Variants in XPNPEP3 observed in about 807,000 individuals in gnomAD.
XPNPEP3 encodes the protein X-prolyl aminopeptidase 3.
A neutral mutation model predicts 60.0 loss-of-function variants in XPNPEP3; 41 were observed. The observed-to-expected ratio is 0.68, with a 90% CI of 0.53 to 0.89. The LOEUF (loss-of-function observed/expected upper bound fraction) is 0.89. Among genes scored for constraint, XPNPEP3 ranks in the 40% least tolerant of loss-of-function variants. The pLI, the probability that XPNPEP3 is intolerant of heterozygous loss-of-function variation, is 0.00. For synonymous variants in XPNPEP3, 212 were observed against 223.2 expected, an observed-to-expected ratio of 0.95 and a Z score of 0.45; for missense variants, 598 against 638.9, an observed-to-expected ratio of 0.94 and a Z score of 0.69.
At chr22:40,892,830 C>T (rs1422607545) in intron 4 of XPNPEP3, among the ~76,000 whole-genome samples, 1 of 151,948 alleles carries the variant, frequency 6.6e-6, no homozygotes, top group Non-Finnish European at 1.5e-5. Context: ...CCAAGTTATA[C>T]CTTGTTATTT....
At chr22:40,899,414 G>A (rs961359880) in intron 4 of XPNPEP3, among the ~76,000 whole-genome samples, 1 of 151,984 alleles carries the variant, frequency 6.6e-6, no homozygotes, top group Non-Finnish European at 1.5e-5. Context: ...TGAAGTTCAG[G>A]GTCTATCATT....
At chr22:40,891,796 G>T (rs2058089594) in intron 4 of XPNPEP3, among the ~76,000 whole-genome samples, 1 of 152,196 alleles carries the variant, frequency 6.6e-6, no homozygotes, top group Non-Finnish European at 1.5e-5. Context: ...TACAGGAAAA[G>T]AATGCTTGGC....
At chr22:40,870,155 AC>A in intron 2 of XPNPEP3, 3 of 453,454 alleles carry the variant, frequency 6.6e-6, no homozygotes, top group South Asian at 4.8e-5. Context: ...CTTAATAGCA[AC>A]CCAGTTGGTA....
chr22:40,860,954 G>T, intron 1 of XPNPEP3: 2 of 1,054,612 alleles, frequency 1.9e-6, no homozygotes, highest in Non-Finnish European at 2.7e-6. Flanking sequence ...CCACAATCCT[G>T]CTAAAAGTGT....
At chr22:40,862,192 G>C (rs2057954380) in intron 1 of XPNPEP3, 1 of 1,381,432 alleles carries the variant, frequency 7.2e-7, no homozygotes, top group Non-Finnish European at 9.4e-7. Context: ...ATGTCAGAGA[G>C]GGCTGCATTA....
At chr22:40,871,277 C>G (rs1238320835) in intron 2 of XPNPEP3, among the ~76,000 whole-genome samples, 2 of 151,954 alleles carry the variant, frequency 1.3e-5, no homozygotes, top group Admixed American at 1.3e-4. Context: ...TGCATGAGCC[C>G]AGGAGGTCAA....
At chr22:40,869,708 C>A (rs956556033) in intron 2 of XPNPEP3, among the ~76,000 whole-genome samples, 1 of 152,088 alleles carries the variant, frequency 6.6e-6, no homozygotes, top group Non-Finnish European at 1.5e-5. Flanking sequence ...AAGATCCCAG[C>A]GTTGCTGCCA....
intron 1 of XPNPEP3, among the ~76,000 whole-genome samples, chr22:40,865,196 T>C (rs2057972234): frequency 6.6e-6 from 1 of 152,190 alleles, no homozygotes; most frequent in Non-Finnish European, 1.5e-5. Context: ...CATACTCCAA[T>C]CTGTCTTCTG....
rs2058241742 is a variant in XPNPEP3 at position 40,928,132 on chromosome 22, TA to T, written c.*1700del. On this transcript the variant is annotated 3_prime_UTR_variant, in exon 10 of 10. Coordinates refer to ENST00000357137, the MANE Select transcript of XPNPEP3 (RefSeq NM_022098.4). ...AAATATGGAATCTACCAAGTACCCGTAAATATCCTATGATTCTTATCTTTCT... is the reference window on the plus strand; with the variant it reads ...AAATATGGAATCTACCAAGTACCCGTAATATCCTATGATTCTTATCTTTCT... The T allele has an allele frequency of 6.6e-6, 1 of 151,348 alleles. No homozygotes were observed. The highest frequency in any genetic ancestry group is 1.5e-5 in the Non-Finnish European group (1 of 67,896). 9.4% of individuals were successfully genotyped at this position (151,348 alleles called of 1,614,324 possible).
intron 2 of XPNPEP3, among the ~76,000 whole-genome samples, chr22:40,880,492 TA>T (rs2058043179): frequency 2.7e-5 from 4 of 150,162 alleles, no homozygotes; most frequent in Non-Finnish European, 4.4e-5. Flanking sequence ...TCAGAAAAGA[TA>T]CATACTAGAT....
At chr22:40,900,914 CAG>C (rs2058129526) in intron 4 of XPNPEP3, among the ~76,000 whole-genome samples, 1 of 151,946 alleles carries the variant, frequency 6.6e-6, no homozygotes, top group South Asian at 2.1e-4. Context: ...GCTTGGGTAA[CAG>C]AGTGAGACCC....
intron 7 of XPNPEP3, among the ~76,000 whole-genome samples, chr22:40,915,309 T>G (rs1158961013): frequency 1.3e-5 from 2 of 152,186 alleles, no homozygotes; most frequent in East Asian, 3.9e-4. Flanking sequence ...GCCTGGTGGC[T>G]CATACCTGTA....
chr22:40,868,344 T>C (rs996934670), intron 1 of XPNPEP3, among the ~76,000 whole-genome samples: 4 of 152,188 alleles, frequency 2.6e-5, no homozygotes, highest in Non-Finnish European at 5.9e-5. Context: ...TCAAACTGCC[T>C]CTGTGATATC....
chr22:40,892,611 C>T (rs772800162), intron 4 of XPNPEP3, among the ~76,000 whole-genome samples: 12 of 152,118 alleles, frequency 7.9e-5, no homozygotes, highest in Non-Finnish European at 1.6e-4. Context: ...GACATGTTGT[C>T]GCCATTAAAT....
chr22:40,911,466 C>T (rs941745005), intron 6 of XPNPEP3, among the ~76,000 whole-genome samples: 1 of 148,172 alleles, frequency 6.7e-6, no homozygotes, highest in Non-Finnish European at 1.5e-5. Context: ...CTCTTTGGGC[C>T]TGATATTTTC....
At chr22:40,888,328 C>T (rs1259739095) in intron 4 of XPNPEP3, 3 of 356,292 alleles carry the variant, frequency 8.4e-6, no homozygotes, top group Non-Finnish European at 1.7e-5. Context: ...ACTGCAGTCT[C>T]GACCTCCTGG....
At chr22:40,896,498 T>G (rs983511029) in intron 4 of XPNPEP3, among the ~76,000 whole-genome samples, 2 of 152,122 alleles carry the variant, frequency 1.3e-5, no homozygotes, top group African/African-American at 4.8e-5. Context: ...AAACCCCGTC[T>G]CTACTAAAAA....
intron 9 of XPNPEP3, among the ~76,000 whole-genome samples, chr22:40,925,474 T>C (rs918105899): frequency 1.3e-5 from 2 of 152,338 alleles, no homozygotes; most frequent in Admixed American, 6.5e-5. Flanking sequence ...TACATTGCTA[T>C]CTGTGGCCAT....
chr22:40,901,911 G>A (rs1252645687), intron 4 of XPNPEP3, among the ~76,000 whole-genome samples: 1 of 152,086 alleles, frequency 6.6e-6, no homozygotes. Flanking sequence ...TGATGAAAAT[G>A]TTTGGGAACT....
Sources: gnomAD v4.1 joint callset for allele counts (sites outside exome capture counted in the v4.1 genomes callset) on GRCh38, gnomAD v4.1.1 for gene constraint, MANE v1.5 for transcripts, NCBI Gene and HGNC (gene_info 2026-07-23, HGNC 2026-07-21) for gene names.